Variants in GGN observed in about 807,000 individuals in gnomAD.
The protein encoded by GGN is gametogenetin.
Under a neutral mutation model 35.5 loss-of-function variants are expected in GGN, and 27 were observed. That is an observed-to-expected ratio of 0.76 (90% confidence interval 0.56 to 1.05). The LOEUF (loss-of-function observed/expected upper bound fraction) is 1.05, where lower values mean the gene tolerates loss of function less well. Among genes scored for constraint, GGN ranks in the 50% least tolerant of loss-of-function variants. The pLI is 0.00. For missense variants in GGN, 1,006 were observed against 940.7 expected, an observed-to-expected ratio of 1.07 and a Z score of -0.91; for synonymous variants, 425 against 444.1, an observed-to-expected ratio of 0.96 and a Z score of 0.54.
Position 38,387,245 on chromosome 19 carries a change from G to T in GGN, c.17C>A (p.Ser6Ter). 1 of 1,595,496 alleles carries T rather than the reference G, an allele frequency of 6.3e-7. No homozygotes were observed. The highest frequency in any genetic ancestry group is 1.3e-5 in the African/African-American group (1 of 74,566). The part of the protein sequence containing the change: MGNLQ[S>*]EPSAGGGSRK... ...GGAGCCCCCGCCCGCGGATGGCTCC[G>T]ACTGCAAGTTCCCCATTTCTGACGG... Residue 6 changes from serine to a stop codon, truncating the protein, a stop_gained, in exon 3 of 4, where the codon TCG becomes TAG. Transcript: ENST00000334928. LOFTEE classifies it high-confidence loss of function. The surrounding 1 kb of genome is among the most constrained non-coding windows in gnomAD (Gnocchi z 5.3).
rs763844241 is a variant in GGN at position 38,385,463 on chromosome 19, T to C, written c.1799A>G (p.His600Arg). 1.2e-6 allele frequency: 2 copies of C among 1,613,514 alleles called. No homozygotes were observed. The highest frequency in any genetic ancestry group is 1.7e-6 in the Non-Finnish European group (2 of 1,179,872). Residue 600 changes from histidine to arginine, a missense_variant, in exon 3 of 4, where the codon CAC (histidine) becomes CGC (arginine). His to Arg is a conservative substitution (Grantham distance 29, BLOSUM62 0). Transcript: ENST00000334928. ...NSCPCKCYCHHQPRHRRLPRN... is the reference protein window; with the variant it reads ...NSCPCKCYCHRQPRHRRLPRN... ...TGGCAGGCGGCGATGGCGTGGCTGG[T>C]GGTGGCAGTAACACTTGCAGGGACA...
chr19:38,386,602 C>CCT lies in GGN; in HGVS notation c.659_660insAG (p.Pro221GlyfsTer20). 1 of 1,612,788 alleles carries CCT rather than the reference C, an allele frequency of 6.2e-7. No homozygotes were observed. The highest frequency in any genetic ancestry group is 8.5e-7 in the Non-Finnish European group (1 of 1,179,516). On this transcript the variant is annotated frameshift_variant, in exon 3 of 4. Coordinates refer to ENST00000334928, the MANE Select transcript of GGN (RefSeq NM_152657.4). LOFTEE classifies it high-confidence loss of function. ...TTTCGCCTTCGCCCGCATGGGGAGG[C>CCT]GCCCCTCCGCGAGCCCTGCCGGCCG...
intron 3 of GGN, among the ~76,000 whole-genome samples, chr19:38,385,216 G>A (rs1472132442): frequency 6.6e-6 from 1 of 152,224 alleles, no homozygotes; most frequent in East Asian, 1.9e-4. Flanking sequence ...CATAGGGCTG[G>A]GCCAGGGTGT....
chr19:38,386,138 G>T lies in GGN; in HGVS notation c.1124C>A (p.Ala375Glu), dbSNP rs754767118. 2.5e-6 allele frequency: 4 copies of T among 1,580,812 alleles called. No individual in the cohort carries two copies. The highest frequency in any genetic ancestry group is 2.6e-6 in the Non-Finnish European group (3 of 1,168,448). Residue 375 changes from alanine to glutamate, a missense_variant, in exon 3 of 4, where the codon GCG becomes GAG. Coordinates refer to ENST00000334928, the MANE Select transcript of GGN (RefSeq NM_152657.4). ...RFNGAGGGIGAPRRRAAALSG... is the reference protein window; with the variant it reads ...RFNGAGGGIGEPRRRAAALSG... ...GAGTGCGGCCGCACGCCGTCGCGGC[G>T]CCCCGATGCCTCCGCCAGCCCCGTT... is the stretch of plus-strand genomic sequence containing the variant.
rs1219697037 is a variant in GGN at position 38,386,799 on chromosome 19, C to A, written c.463G>T (p.Asp155Tyr). ...PPPPRQLSVK[D>Y]TVPRAPSQFP... ...TGGGATGGGGCCCTCGGGACAGTGT[C>A]CTTCACGGATAGTTGCCGGGGCGGC... Residue 155 changes from aspartate (D) to tyrosine (Y), a missense_variant, in exon 3 of 4, where the codon GAC becomes TAC. Coordinates refer to ENST00000334928, the MANE Select transcript of GGN (RefSeq NM_152657.4). 3 of 1,610,418 alleles carry A rather than the reference C, an allele frequency of 1.9e-6. No homozygotes were observed. The highest frequency in any genetic ancestry group is 2.5e-6 in the Non-Finnish European group (3 of 1,177,868).
intron 3 of GGN, 23 bp downstream of exon 3, chr19:38,385,398 T>G: frequency 1.2e-6 from 2 of 1,612,974 alleles, no homozygotes; most frequent in Non-Finnish European, 8.5e-7. Flanking sequence ...TTCGGCACCC[T>G]CCTGTCCCTT....
chr19:38,387,492 C>A lies in GGN; in HGVS notation c.-19-212G>T, dbSNP rs1970754407. On this transcript the variant is annotated intron_variant, in intron 2 of 3. Transcript: ENST00000334928. This position sits in a 1 kb window ranked among gnomAD's most constrained non-coding sequence, Gnocchi z 5.3. Reference sequence around the variant, plus strand: ...CAACACAGCTGCTGTTAAGATACTTCACTACCAGCCCCATTATGTACTAAG... The same window carrying A: ...CAACACAGCTGCTGTTAAGATACTTAACTACCAGCCCCATTATGTACTAAG... Among the ~76,000 whole-genome samples the A allele has an allele frequency of 6.6e-6, 1 of 152,148 alleles. No homozygotes were observed. The highest frequency in any genetic ancestry group is 1.5e-5 in the Non-Finnish European group (1 of 68,016).
Position 38,386,516 on chromosome 19 carries a change from G to T in GGN, c.746C>A (p.Ser249Ter), listed in dbSNP as rs1157317485. The T allele has an allele frequency of 1.2e-6, 2 of 1,613,014 alleles. No homozygotes were observed. Among genetic ancestry groups the T allele is most frequent in the Non-Finnish European group, 8.5e-7 (1 of 1,179,974 alleles). ...LSLLCKITFK[S>*]RPSLAPPAAS... ...TGCCGGAGGGGCCAAAGAGGGCCTC[G>T]ACTTGAAGGTGATTTTACACAGCAG... The change falls in exon 3 of 4, where the codon TCG (serine) becomes TAG (stop). Residue 249 changes from serine to a stop codon, truncating the protein, a stop_gained. Transcript: ENST00000334928. LOFTEE classifies it high-confidence loss of function.
rs748381695 is a variant in GGN, at chr19:38,385,846, C to A, written c.1416G>T (p.Lys472Asn). 2.1e-5 allele frequency: 33 copies of A among 1,542,336 alleles called. No individual in the cohort carries two copies. The highest frequency in any genetic ancestry group is 2.8e-5 in the Non-Finnish European group (32 of 1,147,988). ...APPLTPGLGHKESALAPTAAP... is the reference protein window; with the variant it reads ...APPLTPGLGHNESALAPTAAP... ...CTGCGGTGGGAGCCAGGGCTGACTC[C>A]TTGTGGCCCAGACCCGGGGTGAGCG... Residue 472 changes from lysine (K) to asparagine (N), a missense_variant, in exon 3 of 4, where the codon AAG becomes AAT. Coordinates refer to ENST00000334928, the MANE Select transcript of GGN (RefSeq NM_152657.4).
Position 38,385,933 on chromosome 19 carries a change from G to C in GGN, c.1329C>G (p.Pro443=). The C allele has an allele frequency of 6.3e-7, 1 of 1,585,070 alleles. No individual in the cohort carries two copies. The highest frequency in any genetic ancestry group is 8.6e-7 in the Non-Finnish European group (1 of 1,167,132). The stretch of plus-strand genomic sequence containing the variant: ...GTGGCTGCAGTGTGGGCGGCGGTGT[G>C]GGCGGTGGCAGCGGTGGTAACTCCT... ...GLQELPPLPP[P]TPPPTLQPPA... Residue 443 remains proline, a synonymous_variant, in exon 3 of 4, where the codon CCC becomes CCG. Coordinates refer to ENST00000334928, the MANE Select transcript of GGN (RefSeq NM_152657.4).
Position 38,385,661 on chromosome 19 carries a change from G to C in GGN, c.1601C>G (p.Ala534Gly). Residue 534 changes from alanine (A) to glycine (G), a missense_variant, in exon 3 of 4, where the codon GCC becomes GGC. By Grantham distance (60) the Ala-to-Gly change is moderately conservative (BLOSUM62 0). Transcript: ENST00000334928. ...RTRRNKGSRA[A>G]RGATRKDGLH... ...GCCATCCTTACGGGTCGCGCCCCGG[G>C]CTGCACGGGAACCCTTGTTCCTGCG... 1.2e-6 allele frequency: 2 copies of C among 1,613,842 alleles called. No homozygotes were observed. Among genetic ancestry groups the C allele is most frequent in the Non-Finnish European group, 8.5e-7 (1 of 1,179,954 alleles).
chr19:38,384,475 C>T lies in GGN; in HGVS notation c.1896G>A (p.Lys632=). Residue 632 remains lysine, a synonymous_variant, in exon 4 of 4, where the codon AAG becomes AAA. Coordinates refer to ENST00000334928, the MANE Select transcript of GGN (RefSeq NM_152657.4). ...GCTTGGCCACCAGAGAGCCGGACAG[C>T]TTGATGGTGGCAACCCAGGGTGGCT... ...LGEPPWVATI[K]LSGSLVAKLE... is the part of the protein sequence containing the mutation. The T allele has an allele frequency of 6.2e-7, 1 of 1,614,086 alleles. No individual in the cohort carries two copies. Among genetic ancestry groups the T allele is most frequent in the African/African-American group, 1.3e-5 (1 of 75,054 alleles).
In GGN at chr19:38,384,532, A is replaced by G. The variant is rs377542328; in HGVS notation, c.1842-3T>C. On this transcript the variant is annotated splice_region_variant and splice_polypyrimidine_tract_variant and intron_variant, in intron 3 of 3. Transcript: ENST00000334928. ...GGTGGTTGGTGGATGTGCTCAGCCT[A>G]GTGGGGGAGGGTAGAGTCAGCAAAG... The G allele has an allele frequency of 6.1e-5, 99 of 1,612,086 alleles. No homozygotes were observed. The highest frequency in any genetic ancestry group is 5.8e-5 in the Non-Finnish European group (68 of 1,178,648).
chr19:38,388,364 G>A (rs1352637888), upstream of GGN: 3 of 396,414 alleles, frequency 7.6e-6, no homozygotes, highest in Non-Finnish European at 1.3e-5. Context: ...ACCCACTTGT[G>A]AAGGCTCCCC....
In GGN at chr19:38,386,414, A is replaced by T. The variant is rs778236481; in HGVS notation, c.848T>A (p.Ile283Asn). 236 of 1,612,604 alleles carry T rather than the reference A, an allele frequency of 1.5e-4. No homozygotes were observed. The highest frequency in any genetic ancestry group is 2.8e-4 in the Admixed American group (17 of 59,986). Residue 283 changes from isoleucine to asparagine, a missense_variant, in exon 3 of 4, where the codon ATC becomes AAC. Ile to Asn is a moderately radical substitution (Grantham distance 149). Transcript: ENST00000334928. ...GGGLFAASGA[I>N]SYAEVLKQGP... Reference sequence around the variant, plus strand: ...TTGCTTCAGGACCTCGGCGTAAGAGATGGCACCTGAGGCAGCAAAGAGGCC... The same window carrying T: ...TTGCTTCAGGACCTCGGCGTAAGAGTTGGCACCTGAGGCAGCAAAGAGGCC...
Position 38,385,783 on chromosome 19 carries a change from G to A in GGN, c.1479C>T (p.Ala493=), listed in dbSNP as rs756466694. 2.6e-6 allele frequency: 4 copies of A among 1,555,700 alleles called. No individual in the cohort carries two copies. The South Asian group carries it at 4.6e-5, about 18-fold the overall frequency. ...ALPPALAADQ[A]PAPSPAPAPT... is the part of the protein sequence containing the mutation. Reference sequence around the variant, plus strand: ...GAGCTGGAGCCGGGGATGGGGCCGGGGCCTGGTCGGCGGCTAAGGCTGGGG... The same window carrying A: ...GAGCTGGAGCCGGGGATGGGGCCGGAGCCTGGTCGGCGGCTAAGGCTGGGG... Residue 493 remains alanine (A), a synonymous_variant, in exon 3 of 4, where the codon GCC becomes GCT. Coordinates refer to ENST00000334928, the MANE Select transcript of GGN (RefSeq NM_152657.4).
chr19:38,386,980 A>C lies in GGN; in HGVS notation c.282T>G (p.Ser94=). 6.5e-7 allele frequency: 1 copy of C among 1,540,134 alleles called. No homozygotes were observed. Among genetic ancestry groups the C allele is most frequent in the Non-Finnish European group, 8.7e-7 (1 of 1,143,210 alleles). ...TCCCCGCGGGGGCCGGGGGTGGTGC[A>C]GAGACCGCGGCCGCCTCTTCAGGAG... ...MPPPEEAAAV[S]APPPAPAGTL... The change falls in exon 3 of 4, where the codon TCT becomes TCG. Residue 94 remains serine (S), a synonymous_variant. Coordinates refer to ENST00000334928, the MANE Select transcript of GGN (RefSeq NM_152657.4).
In GGN at chr19:38,385,406, C is replaced by T. The variant is rs746639628; in HGVS notation, c.1841+15G>A. 9.3e-6 allele frequency: 15 copies of T among 1,613,198 alleles called. No homozygotes were observed. The East Asian group carries it at 2.0e-4, about 22-fold the overall frequency. ...TCTGGGGTTCGGCACCCTCCTGTCC[C>T]TTCTCCCCTCTCACCAGGCAGAGAC... On this transcript the variant is annotated intron_variant, in intron 3 of 3. Transcript: ENST00000334928.
At position 38,386,177 on chromosome 19, in the gene GGN, C is replaced by A. The variant is rs774896542; in HGVS notation, c.1085G>T (p.Arg362Leu). 1.9e-6 allele frequency: 3 copies of A among 1,596,898 alleles called. No homozygotes were observed. Among genetic ancestry groups the A allele is most frequent in the Admixed American group, 1.7e-5 (1 of 58,990 alleles). Reference protein sequence around the residue: ...DWVSAPDGPERHFRFNGAGGG... With the variant: ...DWVSAPDGPELHFRFNGAGGG... ...GCCAGCCCCGTTGAAGCGGAAGTGG[C>A]GTTCAGGGCCGTCGGGAGCGCTAAC... The change falls in exon 3 of 4, where the codon CGC (arginine) becomes CTC (leucine). Residue 362 changes from arginine (R) to leucine (L), a missense_variant. By Grantham distance (102) the Arg-to-Leu change is moderately radical (BLOSUM62 -2). Coordinates refer to ENST00000334928, the MANE Select transcript of GGN (RefSeq NM_152657.4).
Sources: gnomAD v4.1 joint callset for allele counts (sites outside exome capture counted in the v4.1 genomes callset) on GRCh38, gnomAD v4.1.1 for gene constraint, Gnocchi (gnomAD v3.1) non-coding constraint, MANE v1.5 for transcripts, NCBI Gene and HGNC (gene_info 2026-07-23, HGNC 2026-07-21) for gene names.